CLASP1: variants seen among roughly 807,000 people sequenced by gnomAD.
The protein encoded by CLASP1 is cytoplasmic linker associated protein 1, also known as CLIP-associating protein 1.
In CLASP1, 38 loss-of-function variants were observed where a neutral mutation model predicts 192.3. That is an observed-to-expected ratio of 0.20 (90% CI 0.15 to 0.26). The LOEUF is 0.26. Among genes scored for constraint, CLASP1 ranks in the 10% least tolerant of loss-of-function variants. CLASP1 has a pLI of 1.00. For synonymous variants in CLASP1, 691 were observed against 712.8 expected (o/e 0.97, Z 0.49); for missense variants, 1,433 against 1,932.5 (o/e 0.74, Z 4.85).
intron 19 of CLASP1, among the ~76,000 whole-genome samples, chr2:121,432,495 G>T (rs908734429): frequency 6.6e-6 from 1 of 152,202 alleles, no homozygotes; most frequent in African/African-American, 2.4e-5. Context: ...GCCCTTTGCT[G>T]TCTTCCATAT....
chr2:121,345,690 C>T (rs570216345), intron 39 of CLASP1, among the ~76,000 whole-genome samples: 6 of 152,050 alleles, frequency 3.9e-5, no homozygotes, highest in Non-Finnish European at 7.4e-5. Context: ...TAAGGTCACC[C>T]CCAAACCATG....
chr2:121,544,886 CTTTT>C (rs1243946902), intron 2 of CLASP1, among the ~76,000 whole-genome samples: 3 of 148,266 alleles, frequency 2.0e-5, no homozygotes, highest in African/African-American at 7.4e-5. Context: ...TTTTTTCTTT[CTTTT>C]TCTTTTCTTT....
rs111804351 is a variant in CLASP1 at position 121,462,213 on chromosome 2, T to TA, written c.939+318dup. Among the ~76,000 whole-genome samples, 1,345 of 144,186 alleles carry TA rather than the reference T, an allele frequency of 9.3e-3. 7 individuals carry two copies. Among genetic ancestry groups the TA allele is most frequent in the East Asian group, 0.015 (73 of 4,994 alleles). The allele number at this position is 144,186 out of a possible 152,430, so 94.6% of individuals were successfully genotyped here. On this transcript the variant is annotated intron_variant, in intron 10 of 39. Coordinates refer to ENST00000263710, the Ensembl canonical transcript of CLASP1. The stretch of plus-strand genomic sequence containing the variant: ...ACCAAAATCCTTCAAACTTATGAAT[T>TA]AAAAAAAAAAAAAATCCCTAAATAA...
intron 29 of CLASP1, among the ~76,000 whole-genome samples, 185 bp from the exon 31 acceptor site, chr2:121,397,468 T>A (rs538499868): frequency 5.6e-4 from 85 of 152,156 alleles, no homozygotes; most frequent in African/African-American, 2.0e-3. Context: ...GATGGGTAAG[T>A]TTGGGGACAG....
chr2:121,386,370 G>A (rs1353140959), intron 32 of CLASP1, among the ~76,000 whole-genome samples: 1 of 152,198 alleles, frequency 6.6e-6, no homozygotes, highest in African/African-American at 2.4e-5. Context: ...GCCCCTTGCT[G>A]GTCCAGACAC....
At chr2:121,573,585 T>C (rs776729638) in intron 2 of CLASP1, among the ~76,000 whole-genome samples, 7 of 152,204 alleles carry the variant, frequency 4.6e-5, no homozygotes, top group South Asian at 2.1e-4. Context: ...ATCTGAAATG[T>C]TGAATTAGGA....
In CLASP1 at chr2:121,457,762, G is replaced by A; in HGVS notation, c.1315-5C>T. 1 of 1,606,864 alleles carries A rather than the reference G, an allele frequency of 6.2e-7. No homozygotes were observed. The highest frequency in any genetic ancestry group is 8.5e-7 in the Non-Finnish European group (1 of 1,176,300). ...TAACCTAGGGATGTGTGTGTGCTGT[G>A]AAGAACAACAAAAAACAGAGGTCAA... On this transcript the variant is annotated splice_polypyrimidine_tract_variant and splice_region_variant and intron_variant, in intron 13 of 39. Coordinates refer to ENST00000263710, the Ensembl canonical transcript of CLASP1.
rs138007225 is a variant in CLASP1, at chr2:121,555,275, C to T, written c.196-24950G>A. Among the ~76,000 whole-genome samples, 312 of 152,348 alleles carry T rather than the reference C, an allele frequency of 2.0e-3. 1 individual carries two copies. The highest frequency in any genetic ancestry group is 6.0e-3 in the African/African-American group (248 of 41,582). On this transcript the variant is annotated intron_variant, in intron 2 of 39. Coordinates refer to ENST00000263710, the Ensembl canonical transcript of CLASP1. ...CTGCTCTTGTGCCTCTTTCAGGACT[C>T]GCTTCAAGCCTCATCAACTCCAGTG...
rs72828991 is a variant in CLASP1 at position 121,379,587 on chromosome 2, T to A, written c.3492-1938A>T. Among the ~76,000 whole-genome samples the A allele has an allele frequency of 1.2e-3, 183 of 152,200 alleles. 1 individual carries two copies. Among genetic ancestry groups the A allele is most frequent in the Non-Finnish European group, 2.4e-3 (162 of 68,004 alleles). On this transcript the variant is annotated intron_variant, in intron 33 of 39. Transcript: ENST00000263710. ...AATATATATACAAGATGTAAAAAAA[T>A]GCCTTAAAATACTTTTAATCACAAC...
chr2:121,604,607 G>T (rs2064192205), intron 2 of CLASP1, among the ~76,000 whole-genome samples: 1 of 152,202 alleles, frequency 6.6e-6, no homozygotes, highest in South Asian at 2.1e-4. Context: ...GGTGGAGGTT[G>T]CAGTGAGCCA....
At chr2:121,442,116 T>G (rs561256537) in intron 19 of CLASP1, among the ~76,000 whole-genome samples, 8 of 152,314 alleles carry the variant, frequency 5.3e-5, no homozygotes, top group Middle Eastern at 3.4e-3. Context: ...TTACTTATTT[T>G]GGGAAAAATA....
At chr2:121,550,684 G>A (rs1164406851) in intron 2 of CLASP1, among the ~76,000 whole-genome samples, 2 of 152,124 alleles carry the variant, frequency 1.3e-5, no homozygotes, top group East Asian at 1.9e-4. Context: ...TCCTAAGACT[G>A]AGCCAGGAAG....
intron 34 of CLASP1, among the ~76,000 whole-genome samples, 178 bp from the exon 36 acceptor site, chr2:121,368,009 G>A (rs989804465): frequency 2.0e-5 from 3 of 152,170 alleles, no homozygotes; most frequent in Non-Finnish European, 2.9e-5. Context: ...ACCATAAAAG[G>A]AACAATATAC....
At chr2:121,449,210 G>A (rs1482118812) in intron 16 of CLASP1, 90 bp from the exon 17 acceptor site, 5 of 1,163,772 alleles carry the variant, frequency 4.3e-6, no homozygotes, top group Non-Finnish European at 6.1e-6. Context: ...AGATTTTCAA[G>A]GACTGGAAGC....
At chr2:121,443,129 T>A (rs1304897486) in intron 19 of CLASP1, among the ~76,000 whole-genome samples, 1 of 152,152 alleles carries the variant, frequency 6.6e-6, no homozygotes, top group African/African-American at 2.4e-5. Context: ...TGACACTCCC[T>A]ATGCTTCTTC....
At chr2:121,617,974 C>A (rs1467678261) in intron 1 of CLASP1, among the ~76,000 whole-genome samples, 2 of 152,208 alleles carry the variant, frequency 1.3e-5, no homozygotes, top group Non-Finnish European at 2.9e-5. Flanking sequence ...CAAAAACTCT[C>A]CTTACACCTA....
At position 121,346,113 on chromosome 2, in the gene CLASP1, A is replaced by C. The variant is rs553811003; in HGVS notation, c.4530+925T>G. The stretch of plus-strand genomic sequence containing the variant: ...ATGATGAAATGGGCCCCACTTGCCA[A>C]TTCCTCCTCTCATAAGAGCAGGCGC... On this transcript the variant is annotated intron_variant, in intron 39 of 39. Transcript: ENST00000263710. Among the ~76,000 whole-genome samples the C allele has an allele frequency of 3.7e-4, 56 of 152,324 alleles. No homozygotes were observed. In the South Asian group the frequency reaches 9.5e-3, roughly 26 times the overall value.
intron 2 of CLASP1, among the ~76,000 whole-genome samples, chr2:121,567,040 A>T (rs1226759735): frequency 6.6e-6 from 1 of 152,228 alleles, no homozygotes; most frequent in African/African-American, 2.4e-5. Flanking sequence ...GCCCCATTTC[A>T]GATGCCAGCT....
intron 23 of CLASP1, among the ~76,000 whole-genome samples, chr2:121,411,850 A>G (rs1056099254): frequency 6.6e-6 from 1 of 152,172 alleles, no homozygotes; most frequent in African/African-American, 2.4e-5. Flanking sequence ...ATCTTCATTA[A>G]GTGTGTTGTA....
Sources: allele counts gnomAD v4.1 joint callset (sites outside exome capture counted in the v4.1 genomes callset), GRCh38; gene constraint gnomAD v4.1.1; transcripts MANE v1.5; gene names NCBI Gene and HGNC (gene_info 2026-07-23, HGNC 2026-07-21).